Variants in ARMH1 observed in about 807,000 individuals in gnomAD.
ARMH1 encodes armadillo like helical domain containing 1.
ARMH1 carries 34 observed loss-of-function variants against 50.2 expected under a neutral mutation model. The ratio of observed to expected loss-of-function variants is 0.68; its 90% CI spans 0.51 to 0.90. ARMH1 has a LOEUF of 0.90. Ranked by LOEUF, ARMH1 falls within the 40% of genes least tolerant of loss-of-function variation. The probability of loss-of-function intolerance (pLI) is 0.00; values close to 1 mark genes in which losing one functional copy is unlikely to be tolerated. For missense variants in ARMH1, 538 were observed against 553.9 expected (o/e 0.97, Z 0.29); for synonymous variants, 221 against 224.2 (o/e 0.99, Z 0.13).
chr1:44,702,038 G>C (rs747169705), intron 5 of ARMH1, among the ~76,000 whole-genome samples: 1 of 152,102 alleles, frequency 6.6e-6, no homozygotes, highest in Non-Finnish European at 1.5e-5. Context: ...CCAGGAGTTC[G>C]AGGCTGCAAT....
chr1:44,690,051 C>T, intron 2 of ARMH1, 148 bp downstream of exon 2: 1 of 693,080 alleles, frequency 1.4e-6, no homozygotes, highest in Non-Finnish European at 2.3e-6. Context: ...AACCCTGTCT[C>T]TACTAAAAAT....
chr1:44,712,542 A>AT (rs1379652386), intron 6 of ARMH1, among the ~76,000 whole-genome samples: 1 of 151,264 alleles, frequency 6.6e-6, no homozygotes, highest in African/African-American at 2.4e-5. Flanking sequence ...CCGCAAAAAA[A>AT]AAAAAAAAAA....
At chr1:44,705,819 A>AAGGAAGGGTTC (rs1646318187) in intron 6 of ARMH1, among the ~76,000 whole-genome samples, 2 of 152,114 alleles carry the variant, frequency 1.3e-5, no homozygotes, top group Admixed American at 1.3e-4. Context: ...GGAGGAGATT[A>AAGGAAGGGTTC]AGGAAGGGTT....
In ARMH1 at chr1:44,725,365, C is replaced by T; in HGVS notation, c.1285C>T (p.Leu429Phe). The T allele has an allele frequency of 6.4e-7, 1 of 1,551,774 alleles. No individual in the cohort carries two copies. The highest frequency in any genetic ancestry group is 8.7e-7 in the Non-Finnish European group (1 of 1,147,012). Residue 429 changes from leucine (L) to phenylalanine (F), a missense_variant, in exon 12 of 12, where the codon CTC becomes TTC. Coordinates refer to ENST00000535358, the MANE Select transcript of ARMH1 (RefSeq NM_001145636.2). ...GSRDSAQMAY[L>F]THFEEDVESK... ...GCGCGATTCGGCTCAGATGGCCTAC[C>T]TCACACACTTCGAGGAGGATGTAGA...
rs1452942168 is a variant in ARMH1, at chr1:44,689,855, A to G, written c.158A>G (p.Gln53Arg). 3 of 1,551,272 alleles carry G rather than the reference A, an allele frequency of 1.9e-6. No individual in the cohort carries two copies. The highest frequency in any genetic ancestry group is 2.6e-6 in the Non-Finnish European group (3 of 1,146,976). Reference protein sequence around the residue: ...TAPELEQEFSQGASLFLVRLT... With the variant: ...TAPELEQEFSRGASLFLVRLT... ...CCTGAACTGGAGCAGGAGTTTTCCC[A>G]GGGAGCCAGTTTGTTCCTGGTACGC... is the stretch of plus-strand genomic sequence containing the variant. The change falls in exon 2 of 12, where the codon CAG becomes CGG. Residue 53 changes from glutamine to arginine, a missense_variant. Gln to Arg is a conservative substitution (Grantham distance 43). Transcript: ENST00000535358.
At chr1:44,718,692 G>C (rs1237766527) in intron 6 of ARMH1, among the ~76,000 whole-genome samples, 1 of 152,198 alleles carries the variant, frequency 6.6e-6, no homozygotes, top group Non-Finnish European at 1.5e-5. Context: ...AGACTTAGAA[G>C]AAAGAGGCAG....
In ARMH1 at chr1:44,696,985, A is replaced by C; in HGVS notation, c.207-117A>C. The C allele has an allele frequency of 4.3e-6, 3 of 698,666 alleles. No homozygotes were observed. The South Asian group carries it at 5.0e-5, about 12-fold the overall frequency. The allele number at this position is 698,666 out of a possible 1,614,324, so 43.3% of individuals were successfully genotyped here. A position where few individuals can be genotyped will look rare whatever the true frequency, so the allele number is the denominator to read the frequency against. The stretch of plus-strand genomic sequence containing the variant: ...GCTGGTAGCTCCTCTCAGGGTAAAG[A>C]GGCACAGTTCAGCTACTTGGCCACC... On this transcript the variant is annotated intron_variant, in intron 2 of 11. Transcript: ENST00000535358.
In ARMH1 at chr1:44,725,313, C is replaced by T; in HGVS notation, c.1233C>T (p.Ser411=). 6.4e-7 allele frequency: 1 copy of T among 1,551,850 alleles called. No homozygotes were observed. The highest frequency in any genetic ancestry group is 8.7e-7 in the Non-Finnish European group (1 of 1,147,028). The change falls in exon 12 of 12, where the codon TCC becomes TCT. Residue 411 remains serine (S), a synonymous_variant. Coordinates refer to ENST00000535358, the MANE Select transcript of ARMH1 (RefSeq NM_001145636.2). ...VTKALCLHGS[S]YSMNTLYGSR... is the part of the protein sequence containing the mutation. ...CAGCCCTGTGCCTCCATGGCAGCTC[C>T]TACAGCATGAACACTCTCTATGGCT...
rs907043812 is a variant in ARMH1 at position 44,724,964 on chromosome 1, G to T, written c.1128+125G>T. 6.7e-6 allele frequency: 10 copies of T among 1,498,744 alleles called. No homozygotes were observed. The allele number at this position is 1,498,744 out of a possible 1,614,324, so 92.8% of individuals were successfully genotyped here. On this transcript the variant is annotated intron_variant, in intron 10 of 11. Transcript: ENST00000535358. The surrounding 1 kb of genome is among the most constrained non-coding windows in gnomAD (Gnocchi z 6.4). The stretch of plus-strand genomic sequence containing the variant: ...GAGTGGACCTGGCCACCAGCTGCAG[G>T]AGGGACTGCTCTGGCGTAGGCTCCT...
chr1:44,678,504 G>A (rs1573267030), intron 1 of ARMH1, among the ~76,000 whole-genome samples: 1 of 152,224 alleles, frequency 6.6e-6, no homozygotes, highest in East Asian at 1.9e-4. Flanking sequence ...CCATGAGAAG[G>A]AAGTGACAAA....
Position 44,687,898 on chromosome 1 carries a change from C to T in ARMH1, c.-22-1778C>T, listed in dbSNP as rs139204919. Among the ~76,000 whole-genome samples, 1,348 of 152,282 alleles carry T rather than the reference C, an allele frequency of 8.9e-3. 20 individuals are homozygous for T. Among genetic ancestry groups the T allele is most frequent in the African/African-American group, 0.03 (1,253 of 41,556 alleles). On this transcript the variant is annotated intron_variant, in intron 1 of 11. Transcript: ENST00000535358. ...CCTGCTTAGAGGTCCCTGCCTTTGG[C>T]GTCCTGGAATCGCTGGGTGCATCTC...
chr1:44,701,617 CT>C (rs943644976), intron 5 of ARMH1, among the ~76,000 whole-genome samples: 13 of 151,992 alleles, frequency 8.6e-5, no homozygotes, highest in Admixed American at 2.0e-4. Flanking sequence ...GGGATAGAGG[CT>C]TAAAAAGTGG....
At chr1:44,712,535 CAAA>C (rs35480137) in intron 6 of ARMH1, among the ~76,000 whole-genome samples, 10 of 64,804 alleles carry the variant, frequency 1.5e-4, no homozygotes, top group African/African-American at 4.6e-4. Flanking sequence ...CAGGGAACCG[CAAA>C]AAAAAAAAAA....
At chr1:44,674,978 G>A (rs1396138090) in intron 1 of ARMH1, 105 bp downstream of exon 1, 1 of 152,386 alleles carries the variant, frequency 6.6e-6, no homozygotes, top group Non-Finnish European at 1.5e-5. Context: ...TGGATGGATG[G>A]GTGGATGGGA....
intron 2 of ARMH1, among the ~76,000 whole-genome samples, chr1:44,695,818 G>C (rs1645806939): frequency 6.6e-6 from 1 of 152,010 alleles, no homozygotes; most frequent in South Asian, 2.1e-4. Context: ...GGTGGCACGT[G>C]CCTGTAGTCC....
chr1:44,722,737 A>C (rs905794376), intron 6 of ARMH1, among the ~76,000 whole-genome samples: 5 of 150,000 alleles, frequency 3.3e-5, no homozygotes, highest in Admixed American at 6.6e-5. Flanking sequence ...CCGTCTCAAA[A>C]AAACAAACAA....
Position 44,689,793 on chromosome 1 carries a change from C to T in ARMH1, c.96C>T (p.Leu32=), listed in dbSNP as rs578252622. 44 of 1,551,862 alleles carry T rather than the reference C, an allele frequency of 2.8e-5. No homozygotes were observed. The highest frequency in any genetic ancestry group is 2.3e-4 in the African/African-American group (17 of 73,122). Residue 32 remains leucine, a synonymous_variant, in exon 2 of 12, where the codon CTC becomes CTT. Coordinates refer to ENST00000535358, the MANE Select transcript of ARMH1 (RefSeq NM_001145636.2). Reference sequence around the variant, plus strand: ...GCAAAGTCGCAAGGAGTCACATCCTCGACAAGTTCATTGAAACCAACCAAG... The same window carrying T: ...GCAAAGTCGCAAGGAGTCACATCCTTGACAAGTTCATTGAAACCAACCAAG... ...NAGKVARSHI[L]DKFIETNQGK...
chr1:44,720,253 C>T lies in ARMH1; in HGVS notation c.725-3869C>T, dbSNP rs532718605. Among the ~76,000 whole-genome samples, 61 of 151,432 alleles carry T rather than the reference C, an allele frequency of 4.0e-4. 1 individual carries two copies. The South Asian group carries it at 0.011, about 26-fold the overall frequency. ...ATGGGGTATACGGGGAGACAGCTGCCACAGTTCTGGCTCTCCAGCCTGTCC... is the reference window on the plus strand; with the variant it reads ...ATGGGGTATACGGGGAGACAGCTGCTACAGTTCTGGCTCTCCAGCCTGTCC... On this transcript the variant is annotated intron_variant, in intron 6 of 11. Transcript: ENST00000535358.
At chr1:44,685,819 G>A (rs1389054799) in intron 1 of ARMH1, among the ~76,000 whole-genome samples, 3 of 151,940 alleles carry the variant, frequency 2.0e-5, no homozygotes, top group Non-Finnish European at 4.4e-5. Context: ...GTAGAGACGG[G>A]GTTTCACCAT....
Sources: allele counts gnomAD v4.1 joint callset (sites outside exome capture counted in the v4.1 genomes callset), GRCh38; gene constraint gnomAD v4.1.1; non-coding constraint Gnocchi (gnomAD v3.1); transcripts MANE v1.5; gene names NCBI Gene and HGNC (gene_info 2026-07-23, HGNC 2026-07-21).